Variants in AGO3 observed in about 807,000 individuals in gnomAD.
The protein encoded by AGO3 is protein argonaute-3.
AGO3 carries 16 observed loss-of-function variants against 105.5 expected under a neutral mutation model. The ratio of observed to expected loss-of-function variants is 0.15; its 90% CI spans 0.10 to 0.23. The LOEUF (loss-of-function observed/expected upper bound fraction) is 0.23. Ranked by LOEUF, AGO3 falls within the 10% of genes least tolerant of loss-of-function variation. AGO3 has a pLI of 1.00. For missense variants in AGO3, 534 were observed against 1,088.0 expected, an observed-to-expected ratio of 0.49 and a Z score of 7.16; for synonymous variants, 340 against 367.3, an observed-to-expected ratio of 0.93 and a Z score of 0.85.
intron 1 of AGO3, among the ~76,000 whole-genome samples, chr1:35,937,995 T>C (rs999318148): frequency 6.6e-6 from 1 of 151,458 alleles, no homozygotes; most frequent in Non-Finnish European, 1.5e-5. Flanking sequence ...TTTTTTTTTT[T>C]TTTGAGACGG....
At chr1:36,024,014 C>A (rs1248742795) in intron 11 of AGO3, among the ~76,000 whole-genome samples, 1 of 152,120 alleles carries the variant, frequency 6.6e-6, no homozygotes, top group Non-Finnish European at 1.5e-5. Context: ...CCATTCTCTC[C>A]CCTCCCTTGA....
intron 5 of AGO3, among the ~76,000 whole-genome samples, chr1:35,990,939 A>G (rs1254468680): frequency 6.6e-6 from 1 of 152,236 alleles, no homozygotes; most frequent in Non-Finnish European, 1.5e-5. Context: ...TTTTAGCAAC[A>G]TGAGTTCAAA....
At chr1:36,046,623 TA>T (rs3073806) in intron 17 of AGO3, among the ~76,000 whole-genome samples, 34 of 34,456 alleles carry the variant, frequency 9.9e-4, no homozygotes, top group African/African-American at 2.7e-3. Flanking sequence ...AGTCTCTATT[TA>T]AAAAAAAAAA....
intron 2 of AGO3, among the ~76,000 whole-genome samples, chr1:35,960,364 C>T (rs1285402397): frequency 6.6e-6 from 1 of 152,098 alleles, no homozygotes; most frequent in African/African-American, 2.4e-5. Flanking sequence ...CCCATATTCC[C>T]AGTTACTCAG....
rs188324391 is a variant in AGO3 at position 35,942,307 on chromosome 1, T to C, written c.20-3385T>C. On this transcript the variant is annotated intron_variant, in intron 1 of 18. Transcript: ENST00000373191. The stretch of plus-strand genomic sequence containing the variant: ...ATTTAATTTAACATTTTGTTAGGAT[T>C]TTTGCATGTATATTCGTGAATTAGA... Among the ~76,000 whole-genome samples, 869 of 152,352 alleles carry C rather than the reference T, an allele frequency of 5.7e-3. 4 individuals are homozygous for C. The highest frequency in any genetic ancestry group is 0.025 in the South Asian group (119 of 4,828).
upstream of AGO3, chr1:35,930,910 G>C (rs1646027946): frequency 3.8e-6 from 1 of 263,100 alleles, no homozygotes; most frequent in Non-Finnish European, 7.1e-6. Context: ...GTCTCCGGCC[G>C]GCACGGCCCG....
chr1:35,970,416 T>G (rs926748174), intron 3 of AGO3, among the ~76,000 whole-genome samples: 1 of 152,156 alleles, frequency 6.6e-6, no homozygotes, highest in African/African-American at 2.4e-5. Flanking sequence ...TTTAGTTAGA[T>G]TCCTGGCTCC....
At chr1:36,045,511 C>T (rs1232157061) in intron 17 of AGO3, among the ~76,000 whole-genome samples, 1 of 150,966 alleles carries the variant, frequency 6.6e-6, no homozygotes, top group Non-Finnish European at 1.5e-5. Context: ...CATGAGCCAC[C>T]ATGTCCGACC....
chr1:36,008,820 G>C lies in AGO3; in HGVS notation c.881+43G>C, dbSNP rs1640450553. ...GAGCAGCGATGGTGTGAGGCAGCTT[G>C]CTCTAGTTAGTGGGGTTGGGAGTTT... On this transcript the variant is annotated intron_variant, in intron 7 of 18. Coordinates refer to ENST00000373191, the MANE Select transcript of AGO3 (RefSeq NM_024852.4). The surrounding 1 kb of genome is among the most constrained non-coding windows in gnomAD (Gnocchi z 5.1). The C allele has an allele frequency of 6.2e-7, 1 of 1,613,854 alleles. No individual in the cohort carries two copies. The highest frequency in any genetic ancestry group is 8.5e-7 in the Non-Finnish European group (1 of 1,179,940).
intron 3 of AGO3, among the ~76,000 whole-genome samples, chr1:35,968,340 A>C (rs940590634): frequency 3.3e-5 from 5 of 152,208 alleles, no homozygotes; most frequent in Non-Finnish European, 7.3e-5. Flanking sequence ...GGTATTAAGC[A>C]CATTTACATT....
chr1:35,970,770 C>CT (rs1646852497), intron 3 of AGO3, among the ~76,000 whole-genome samples: 1 of 151,642 alleles, frequency 6.6e-6, no homozygotes, highest in Non-Finnish European at 1.5e-5. Context: ...TGCTCTGTAA[C>CT]CCAGGCTGGA....
chr1:36,054,160 T>C lies in AGO3; in HGVS notation c.2275-786T>C, dbSNP rs1439478984. ...GCCTGAACAGATTTCCTTTAGGATATCAGTTTGAAACTTCTGCTGTAGTCA... is the reference window on the plus strand; with the variant it reads ...GCCTGAACAGATTTCCTTTAGGATACCAGTTTGAAACTTCTGCTGTAGTCA... On this transcript the variant is annotated intron_variant, in intron 17 of 18. Coordinates refer to ENST00000373191, the MANE Select transcript of AGO3 (RefSeq NM_024852.4). 2.6e-5 allele frequency among the ~76,000 whole-genome samples: 4 copies of C among 152,284 alleles called. No individual in the cohort carries two copies. The East Asian group carries it at 7.7e-4, about 29-fold the overall frequency.
At chr1:36,022,792 C>T (rs754340955) in intron 11 of AGO3, among the ~76,000 whole-genome samples, 16 of 151,924 alleles carry the variant, frequency 1.1e-4, no homozygotes, top group African/African-American at 1.9e-4. Context: ...ATTAGCCGGG[C>T]CTGGTGGTGG....
At chr1:36,004,059 TC>T in intron 5 of AGO3, 1 of 248,578 alleles carries the variant, frequency 4.0e-6, no homozygotes, top group Admixed American at 5.4e-5. Context: ...CTTCTTTGTC[TC>T]TTTCAAGCCT....
chr1:36,067,681 C>T lies in AGO3; in HGVS notation c.*11936C>T, dbSNP rs376279466. ...GAGCCAGGCATTGCTATCAACATAACATGTTTGGTTTTCCCCTTTAAATAG... is the reference window on the plus strand; with the variant it reads ...GAGCCAGGCATTGCTATCAACATAATATGTTTGGTTTTCCCCTTTAAATAG... On this transcript the variant is annotated 3_prime_UTR_variant, in exon 19 of 19. Transcript: ENST00000373191. 86 of 151,904 alleles carry T rather than the reference C, an allele frequency of 5.7e-4. No homozygotes were observed. The highest frequency in any genetic ancestry group is 1.6e-3 in the African/African-American group (68 of 41,412). 9.4% of individuals were successfully genotyped at this position (151,904 alleles called of 1,614,324 possible).
intron 3 of AGO3, 40 bp from the exon 4 acceptor site, chr1:35,971,984 T>C (rs1646878712): frequency 1.3e-6 from 2 of 1,551,948 alleles, no homozygotes; most frequent in East Asian, 2.2e-5. Context: ...TGTATTTATC[T>C]TTTTCAACAT....
intron 5 of AGO3, among the ~76,000 whole-genome samples, chr1:35,999,803 T>C (rs1428553143): frequency 6.6e-6 from 1 of 152,080 alleles, no homozygotes; most frequent in Non-Finnish European, 1.5e-5. Context: ...TTGTGAAGAG[T>C]AATAATTTTG....
intron 17 of AGO3, among the ~76,000 whole-genome samples, chr1:36,051,514 G>A (rs1642713956): frequency 6.6e-6 from 1 of 152,064 alleles, no homozygotes. Context: ...GAGCCCACAA[G>A]TTCAAGACAA....
In AGO3 at chr1:36,055,978, A is replaced by G. The variant is rs1182589719; in HGVS notation, c.*233A>G. 5 of 381,062 alleles carry G rather than the reference A, an allele frequency of 1.3e-5. No homozygotes were observed. The highest frequency in any genetic ancestry group is 2.4e-5 in the Non-Finnish European group (5 of 212,028). 23.6% of individuals were successfully genotyped at this position (381,062 alleles called of 1,614,324 possible). ...CCAACTGCTTTTTGTGCGGTCTCCTATAGGAAGTATCGCAATTGTTTTGTT... is the reference window on the plus strand; with the variant it reads ...CCAACTGCTTTTTGTGCGGTCTCCTGTAGGAAGTATCGCAATTGTTTTGTT... On this transcript the variant is annotated 3_prime_UTR_variant, in exon 19 of 19. Coordinates refer to ENST00000373191, the MANE Select transcript of AGO3 (RefSeq NM_024852.4). The surrounding 1 kb of genome is among the most constrained non-coding windows in gnomAD (Gnocchi z 4.4).
Sources: gnomAD v4.1 joint callset for allele counts (sites outside exome capture counted in the v4.1 genomes callset) on GRCh38, gnomAD v4.1.1 for gene constraint, Gnocchi (gnomAD v3.1) non-coding constraint, MANE v1.5 for transcripts, NCBI Gene and HGNC (gene_info 2026-07-23, HGNC 2026-07-21) for gene names.